The following STPG2 variants were observed in gnomAD, a reference collection of about 807,000 sequenced individuals.
STPG2 encodes sperm tail PG-rich repeat containing 2, also known as sperm-tail PG-rich repeat-containing protein 2.
In STPG2, 56 loss-of-function variants were observed where a neutral mutation model predicts 54.2. That is an observed-to-expected ratio of 1.03 (90% CI 0.83 to 1.29). The LOEUF (loss-of-function observed/expected upper bound fraction) is 1.29. Ranked by LOEUF, STPG2 falls within the 50% of genes most tolerant of loss-of-function variation. The pLI is 0.00. For synonymous variants in STPG2, 200 were observed against 181.8 expected (o/e 1.10, Z -0.81); for missense variants, 596 against 544.9 (o/e 1.09, Z -0.93).
At chr4:97,797,352 G>A (rs1025033500) in intron 9 of STPG2, among the ~76,000 whole-genome samples, 2 of 152,148 alleles carry the variant, frequency 1.3e-5, no homozygotes, top group Non-Finnish European at 2.9e-5. Context: ...ATTATTTTGA[G>A]ACATGCCCCA....
intron 4 of STPG2, among the ~76,000 whole-genome samples, chr4:97,499,683 A>T (rs1352884117): frequency 6.6e-6 from 1 of 151,986 alleles, no homozygotes; most frequent in Admixed American, 6.6e-5. Flanking sequence ...AATTTTTAAT[A>T]GCATGGTCAG....
intron 5 of STPG2, among the ~76,000 whole-genome samples, chr4:98,060,947 T>C (rs192418029): frequency 2.6e-4 from 40 of 151,872 alleles, no homozygotes; most frequent in Non-Finnish European, 1.5e-4. Flanking sequence ...AAATGTAAAA[T>C]CCAAAACTAT....
intron 10 of STPG2, among the ~76,000 whole-genome samples, chr4:97,582,368 C>A (rs2148891745): frequency 6.6e-6 from 1 of 152,024 alleles, no homozygotes; most frequent in Non-Finnish European, 1.5e-5. Flanking sequence ...ATATAAACAA[C>A]ACTTTTTTGG....
At chr4:97,681,165 A>C (rs1330877277) in intron 10 of STPG2, among the ~76,000 whole-genome samples, 1 of 151,946 alleles carries the variant, frequency 6.6e-6, no homozygotes, top group Non-Finnish European at 1.5e-5. Context: ...ATTAGTGATG[A>C]TGAAAATTTT....
chr4:98,025,060 G>A (rs554532406), intron 5 of STPG2, among the ~76,000 whole-genome samples: 1 of 152,044 alleles, frequency 6.6e-6, no homozygotes, highest in Non-Finnish European at 1.5e-5. Context: ...ATAAAAATGG[G>A]GAGGATAGCA....
chr4:97,537,914 GCTGATACC>G lies in STPG2; in HGVS notation c.462+174777_462+174784del, dbSNP rs1731578239. On this transcript the variant is annotated intron_variant, in intron 4 of 4. Coordinates refer to the STPG2 transcript ENST00000522676. ...TATTCGCTGTTCTGCAGCCTCCGCTGCTGATACCCAGGCAAACAGGGTCTGGAGTGGAC... is the reference window on the plus strand; with the variant it reads ...TATTCGCTGTTCTGCAGCCTCCGCTGCAGGCAAACAGGGTCTGGAGTGGAC... Among the ~76,000 whole-genome samples, 4 of 152,208 alleles carry G rather than the reference GCTGATACC, an allele frequency of 2.6e-5. No individual in the cohort carries two copies. In the South Asian group the frequency reaches 8.3e-4, roughly 32 times the overall value.
chr4:97,631,927 A>T (rs1721295698), intron 10 of STPG2, among the ~76,000 whole-genome samples: 1 of 152,116 alleles, frequency 6.6e-6, no homozygotes, highest in African/African-American at 2.4e-5. Context: ...TGTTTTAATG[A>T]AAGACAAAAA....
intron 10 of STPG2, among the ~76,000 whole-genome samples, chr4:97,585,816 A>C (rs1013065862): frequency 7.9e-5 from 12 of 151,988 alleles, no homozygotes; most frequent in African/African-American, 2.9e-4. Context: ...TAGAGCCTTA[A>C]CCCTCAAAAA....
At chr4:97,475,773 T>C (rs1730055111) in intron 4 of STPG2, among the ~76,000 whole-genome samples, 1 of 152,108 alleles carries the variant, frequency 6.6e-6, no homozygotes, top group African/African-American at 2.4e-5. Context: ...AGAGGCTTTT[T>C]CTTCAGATTG....
intron 9 of STPG2, among the ~76,000 whole-genome samples, chr4:97,808,789 C>A (rs1727650224): frequency 1.3e-5 from 2 of 149,736 alleles, no homozygotes; most frequent in Admixed American, 6.6e-5. Context: ...GACACTAAAC[C>A]AAAGAAAGTT....
intron 8 of STPG2, among the ~76,000 whole-genome samples, chr4:97,858,773 C>T (rs890500331): frequency 2.0e-5 from 3 of 152,106 alleles, no homozygotes; most frequent in African/African-American, 7.2e-5. Context: ...TGTACGTATA[C>T]CACATTTTGA....
chr4:97,829,807 G>A (rs1487440339), intron 9 of STPG2, among the ~76,000 whole-genome samples: 4 of 152,020 alleles, frequency 2.6e-5, no homozygotes, highest in Non-Finnish European at 5.9e-5. Context: ...GAAATTAAGC[G>A]AGAAGAGAAA....
chr4:97,560,091 C>T (rs1732185296), intron 10 of STPG2, among the ~76,000 whole-genome samples: 1 of 152,154 alleles, frequency 6.6e-6, no homozygotes, highest in Non-Finnish European at 1.5e-5. Context: ...TCCCAGACTA[C>T]AGATTCCCAT....
chr4:97,559,876 A>G (rs1732179336), intron 10 of STPG2, among the ~76,000 whole-genome samples: 1 of 152,210 alleles, frequency 6.6e-6, no homozygotes, highest in Non-Finnish European at 1.5e-5. Flanking sequence ...TTTAATAAAT[A>G]TATAGTAAGA....
intron 8 of STPG2, among the ~76,000 whole-genome samples, chr4:97,925,314 A>G (rs575344013): frequency 1.3e-5 from 2 of 152,334 alleles, no homozygotes; most frequent in African/African-American, 4.8e-5. Context: ...GAAGATGGCA[A>G]CTATCAGCAC....
chr4:97,918,160 G>A (rs1441007806), intron 8 of STPG2, among the ~76,000 whole-genome samples: 11 of 152,070 alleles, frequency 7.2e-5, no homozygotes, highest in Admixed American at 7.2e-4. Context: ...TTATTAGACT[G>A]AGAAAGAAAA....
chr4:97,479,749 A>T (rs2148820072), intron 4 of STPG2, among the ~76,000 whole-genome samples: 1 of 151,972 alleles, frequency 6.6e-6, no homozygotes, highest in South Asian at 2.1e-4. Context: ...GACAAAATTT[A>T]CTCTCTTTTA....
chr4:97,848,077 G>T (rs1729012685), intron 8 of STPG2, among the ~76,000 whole-genome samples: 1 of 152,084 alleles, frequency 6.6e-6, no homozygotes, highest in Non-Finnish European at 1.5e-5. Context: ...ACCCTCATTG[G>T]ATCCCCAGTG....
chr4:97,991,244 T>C lies in STPG2; in HGVS notation c.613-9926A>G, dbSNP rs867258499. On this transcript the variant is annotated intron_variant, in intron 5 of 10. Coordinates refer to ENST00000295268, the MANE Select transcript of STPG2 (RefSeq NM_174952.3). ...TGAATGCCATTATTTCATTCCTTTT[T>C]ATGGCTGAGTAGTATTCCATGGTGT... Among the ~76,000 whole-genome samples, 5 of 151,966 alleles carry C rather than the reference T, an allele frequency of 3.3e-5. No homozygotes were observed. The Middle Eastern group carries it at 0.01, about 310-fold the overall frequency.
Sources: allele counts gnomAD v4.1 joint callset (sites outside exome capture counted in the v4.1 genomes callset), GRCh38; gene constraint gnomAD v4.1.1; transcripts MANE v1.5; gene names NCBI Gene and HGNC (gene_info 2026-07-23, HGNC 2026-07-21).